MYH10: variants seen among roughly 807,000 people sequenced by gnomAD.
The protein encoded by MYH10 is myosin-10.
Under a neutral mutation model 257.8 loss-of-function variants are expected in MYH10, and 55 were observed. The ratio of observed to expected loss-of-function variants is 0.21; its 90% confidence interval spans 0.17 to 0.27. The LOEUF is 0.27. MYH10 is among the 10% of genes least tolerant of loss of function. The probability of loss-of-function intolerance (pLI) is 1.00; values close to 1 mark genes in which losing one functional copy is unlikely to be tolerated. For synonymous variants in MYH10, 854 were observed against 921.7 expected (o/e 0.93, Z 1.33); for missense variants, 1,631 against 2,500.6 (o/e 0.65, Z 7.42).
intron 6 of MYH10, among the ~76,000 whole-genome samples, chr17:8,573,072 T>C (rs1392611755): frequency 1.3e-5 from 2 of 152,246 alleles, no homozygotes; most frequent in African/African-American, 4.8e-5. Context: ...GCCTTAGCTA[T>C]TGAAATGATT....
intron 2 of MYH10, among the ~76,000 whole-genome samples, chr17:8,613,199 A>C (rs1048960864): frequency 6.6e-6 from 1 of 152,224 alleles, no homozygotes; most frequent in African/African-American, 2.4e-5. Flanking sequence ...CAATGTTAAA[A>C]GAAAACAACC....
At chr17:8,622,797 CAG>C (rs1311909513) in intron 2 of MYH10, 103 bp downstream of exon 2, 13 of 1,276,770 alleles carry the variant, frequency 1.0e-5, no homozygotes, top group South Asian at 1.4e-5. Flanking sequence ...AAATGTTAAA[CAG>C]AGAGTTTGGG....
intron 37 of MYH10, among the ~76,000 whole-genome samples, chr17:8,482,659 G>A (rs894871082): frequency 6.6e-6 from 1 of 152,208 alleles, no homozygotes; most frequent in Non-Finnish European, 1.5e-5. Context: ...TTGAGGGAAG[G>A]AAAAGTGTCA....
At chr17:8,480,594 TC>T (rs1913570988) in intron 38 of MYH10, 69 bp from the exon 39 acceptor site, 3 of 1,585,258 alleles carry the variant, frequency 1.9e-6, no homozygotes, top group Non-Finnish European at 1.7e-6. Context: ...CAGGGAAGGC[TC>T]CTCCACCCAC....
rs770279204 is a variant in MYH10, at chr17:8,476,843, T to C, written c.5879+33A>G. ...AGCCTAAGCTAACCCACAAAGCAGC[T>C]GCCTGTCAGCTCGGGGCCGCATGCC... On this transcript the variant is annotated intron_variant, in intron 42 of 42. Coordinates refer to ENST00000360416, the MANE Select transcript of MYH10 (RefSeq NM_001256012.3). 2.5e-6 allele frequency: 4 copies of C among 1,587,466 alleles called. No individual in the cohort carries two copies. The African/African-American group carries it at 4.0e-5, about 16-fold the overall frequency.
At chr17:8,630,362 C>T (rs1217204608) in intron 1 of MYH10, among the ~76,000 whole-genome samples, 1 of 151,868 alleles carries the variant, frequency 6.6e-6, no homozygotes, top group Non-Finnish European at 1.5e-5. Flanking sequence ...GCCCTGACCC[C>T]CGCGGGTTTC....
At chr17:8,487,664 C>T (rs1405228579) in intron 35 of MYH10, 70 bp from the exon 36 acceptor site, 8 of 1,562,812 alleles carry the variant, frequency 5.1e-6, no homozygotes, top group African/African-American at 2.7e-5. Context: ...AGACTGTTCT[C>T]AAGTGGGGGG....
chr17:8,606,523 C>T (rs758441369), intron 2 of MYH10, among the ~76,000 whole-genome samples: 31 of 152,134 alleles, frequency 2.0e-4, no homozygotes, highest in Non-Finnish European at 4.3e-4. Flanking sequence ...AACTAACAGC[C>T]GTGTTCATAA....
chr17:8,552,169 A>T lies in MYH10; in HGVS notation c.821-25T>A. On this transcript the variant is annotated intron_variant, in intron 8 of 42. Transcript: ENST00000360416. The surrounding 1 kb of genome is among the most constrained non-coding windows in gnomAD (Gnocchi z 4.8). The stretch of plus-strand genomic sequence containing the variant: ...TCTGAGCAAAGACAGTTAAGAATTA[A>T]ATTATTTAATATAATTCTTAAATAA... The T allele has an allele frequency of 7.2e-6, 9 of 1,253,670 alleles. No individual in the cohort carries two copies. Among genetic ancestry groups the T allele is most frequent in the Non-Finnish European group, 9.9e-6 (9 of 911,978 alleles). The allele number at this position is 1,253,670 out of a possible 1,614,324, so 77.7% of individuals were successfully genotyped here. A position where few individuals can be genotyped will look rare whatever the true frequency, so the allele number is the denominator to read the frequency against.
chr17:8,519,030 G>C (rs924635145), intron 19 of MYH10, 80 bp from the exon 20 acceptor site: 1 of 1,109,148 alleles, frequency 9.0e-7, no homozygotes, highest in Non-Finnish European at 1.3e-6. Flanking sequence ...TTTGCTCTAA[G>C]AGGCAATAAA....
At chr17:8,542,557 C>T (rs1195218306) in intron 13 of MYH10, among the ~76,000 whole-genome samples, 1 of 152,128 alleles carries the variant, frequency 6.6e-6, no homozygotes, top group African/African-American at 2.4e-5. Flanking sequence ...ACTTAATATG[C>T]TAACTGAATG....
At chr17:8,513,432 T>G in intron 23 of MYH10, 106 bp downstream of exon 23, 1 of 1,475,436 alleles carries the variant, frequency 6.8e-7, no homozygotes, top group Non-Finnish European at 9.0e-7. Context: ...AATAAGATGA[T>G]ATGGTGGGTA....
At chr17:8,479,258 TAC>T (rs60509051) in intron 40 of MYH10, among the ~76,000 whole-genome samples, 60,722 of 151,782 alleles carry the variant, frequency 0.4, 12,146 homozygotes, top group South Asian at 0.46. Flanking sequence ...ACAAACCCCC[TAC>T]ACTCCCTCTT....
At chr17:8,558,741 C>T (rs2082889977) in intron 7 of MYH10, among the ~76,000 whole-genome samples, 1 of 152,218 alleles carries the variant, frequency 6.6e-6, no homozygotes, top group African/African-American at 2.4e-5. Flanking sequence ...TCTGATAGCT[C>T]ATATTTTGTT....
intron 37 of MYH10, among the ~76,000 whole-genome samples, chr17:8,481,723 A>AT (rs1913851500): frequency 6.6e-6 from 1 of 152,208 alleles, no homozygotes; most frequent in Non-Finnish European, 1.5e-5. Flanking sequence ...TTCTTAATAT[A>AT]AACTGAGCAT....
At chr17:8,577,376 G>A in intron 4 of MYH10, 38 bp from the exon 5 acceptor site, 6 of 1,363,792 alleles carry the variant, frequency 4.4e-6, no homozygotes, top group Non-Finnish European at 6.2e-6. Flanking sequence ...TTTAACGAAA[G>A]CACAGCACAT....
intron 4 of MYH10, among the ~76,000 whole-genome samples, chr17:8,577,545 T>A (rs1236189771): frequency 9.9e-5 from 15 of 152,198 alleles, no homozygotes; most frequent in Non-Finnish European, 1.5e-5. Context: ...TTCTTTTTTT[T>A]CTTTGAGACA....
intron 32 of MYH10, 50 bp downstream of exon 32, chr17:8,493,683 G>T: frequency 6.4e-7 from 1 of 1,566,732 alleles, no homozygotes; most frequent in South Asian, 1.2e-5. Flanking sequence ...GCCAGGATCT[G>T]CTGAAGGCAC....
intron 3 of MYH10, among the ~76,000 whole-genome samples, chr17:8,589,534 C>T (rs1597908192): frequency 1.3e-5 from 2 of 152,236 alleles, no homozygotes; most frequent in Non-Finnish European, 1.5e-5. Context: ...GATTATGACA[C>T]CTGGCCAGAT....
Sources: allele counts gnomAD v4.1 joint callset (sites outside exome capture counted in the v4.1 genomes callset), GRCh38; gene constraint gnomAD v4.1.1; non-coding constraint Gnocchi (gnomAD v3.1); transcripts MANE v1.5; gene names NCBI Gene and HGNC (gene_info 2026-07-23, HGNC 2026-07-21).